MED13L: variants seen among roughly 807,000 people sequenced by gnomAD.
The protein encoded by MED13L is mediator of RNA polymerase II transcription subunit 13-like.
MED13L carries 7 observed loss-of-function variants against 220.9 expected under a neutral mutation model. That is an observed-to-expected ratio of 0.03 (90% CI 0.02 to 0.06). The LOEUF is 0.06. Ranked by LOEUF, MED13L falls within the 10% of genes least tolerant of loss-of-function variation. MED13L has a pLI of 1.00. For synonymous variants in MED13L, 1,011 were observed against 1,015.2 expected (o/e 1.00, Z 0.08); for missense variants, 1,965 against 2,760.5 (o/e 0.71, Z 6.46).
chr12:116,085,891 G>A (rs1871635879), intron 4 of MED13L, among the ~76,000 whole-genome samples: 2 of 152,170 alleles, frequency 1.3e-5, no homozygotes, highest in Admixed American at 6.5e-5. Context: ...AAAGAAGAGA[G>A]ATGGAATTTA....
At chr12:116,001,814 A>G (rs1878762146) in intron 14 of MED13L, among the ~76,000 whole-genome samples, 1 of 152,214 alleles carries the variant, frequency 6.6e-6, no homozygotes, top group Non-Finnish European at 1.5e-5. Context: ...TTTTGAAATA[A>G]TTCTTTTTTG....
intron 4 of MED13L, among the ~76,000 whole-genome samples, chr12:116,058,506 G>C (rs1869157359): frequency 6.6e-6 from 1 of 152,072 alleles, no homozygotes; most frequent in East Asian, 1.9e-4. Flanking sequence ...GCATAAACTG[G>C]CAATAAAACC....
chr12:116,100,591 T>G (rs1054098418), intron 3 of MED13L, among the ~76,000 whole-genome samples: 2 of 99,044 alleles, frequency 2.0e-5, no homozygotes, highest in African/African-American at 8.4e-5. Flanking sequence ...AAAGAGAGAC[T>G]CCGTCTCAAA....
chr12:116,276,418 A>C, intron 1 of MED13L: 2 of 1,287,560 alleles, frequency 1.6e-6, no homozygotes, highest in Non-Finnish European at 2.0e-6. Flanking sequence ...AAGAAGAAAA[A>C]GCTTTCTCCA....
intron 4 of MED13L, among the ~76,000 whole-genome samples, chr12:116,046,530 G>C (rs1881846331): frequency 6.6e-6 from 1 of 152,108 alleles, no homozygotes; most frequent in East Asian, 1.9e-4. Context: ...TAACAATATA[G>C]CAGTAAAACA....
At chr12:116,038,644 T>C (rs1018403955) in intron 4 of MED13L, among the ~76,000 whole-genome samples, 1 of 144,548 alleles carries the variant, frequency 6.9e-6, no homozygotes, top group African/African-American at 2.6e-5. Flanking sequence ...GTGGGAGAAA[T>C]GACCCGCCAA....
chr12:115,961,375 G>C lies in MED13L; in HGVS notation c.6524C>G (p.Ala2175Gly). Residue 2175 changes from alanine to glycine, a missense_variant, in exon 31 of 31, where the codon GCT (alanine) becomes GGT (glycine). By Grantham distance (60) the Ala-to-Gly change is moderately conservative (BLOSUM62 0). Coordinates refer to ENST00000281928, the MANE Select transcript of MED13L (RefSeq NM_015335.5). Reference sequence around the variant, plus strand: ...CGGATTGCACGTGAGCCAGGACAGAGCGTTGTACTGCTCCAAAACAAACCT... The same window carrying C: ...CGGATTGCACGTGAGCCAGGACAGACCGTTGTACTGCTCCAAAACAAACCT... ...VLRFVLEQYN[A>G]LSWLTCNPAT... 1 of 1,613,872 alleles carries C rather than the reference G, an allele frequency of 6.2e-7. No individual in the cohort carries two copies. The highest frequency in any genetic ancestry group is 8.5e-7 in the Non-Finnish European group (1 of 1,179,952).
chr12:116,078,319 CATTTCTACATATAATTTA>C (rs1245873454), intron 4 of MED13L, among the ~76,000 whole-genome samples: 8 of 152,084 alleles, frequency 5.3e-5, no homozygotes, highest in Non-Finnish European at 1.2e-4. Flanking sequence ...AATTCATAAT[CATTTCTACATATAATTTA>C]ATTTCTACAT....
rs1355330788 is a variant in MED13L at position 116,019,800 on chromosome 12, A to G, written c.798T>C (p.Pro266=). The G allele has an allele frequency of 1.2e-6, 2 of 1,614,004 alleles. No homozygotes were observed. The highest frequency in any genetic ancestry group is 2.2e-5 in the South Asian group (2 of 91,090). ...EDELGYDDDF[P]VAVEVIVGGV... Reference sequence around the variant, plus strand: ...TACCAACAATTACTTCAACTGCCACAGGGAAATCATCATCATATCCCAACT... The same window carrying G: ...TACCAACAATTACTTCAACTGCCACGGGGAAATCATCATCATATCCCAACT... The change falls in exon 6 of 31, where the codon CCT becomes CCC. Residue 266 remains proline (P), a synonymous_variant. Transcript: ENST00000281928.
rs1417899930 is a variant in MED13L at position 116,031,735 on chromosome 12, GAAAA to G, written c.480-9138_480-9135del. On this transcript the variant is annotated intron_variant, in intron 4 of 30. Transcript: ENST00000281928. ...GAAAAGAAAAGAAAAGAAAAGAAAA[GAAAA>G]GAAAAGAAAAGAAAAGAAAAGAAGG... Among the ~76,000 whole-genome samples the G allele has an allele frequency of 9.8e-3, 622 of 63,772 alleles. 11 individuals carry two copies. Among genetic ancestry groups the G allele is most frequent in the African/African-American group, 0.034 (365 of 10,704 alleles). The allele number at this position is 63,772 out of a possible 152,430, so 41.8% of individuals were successfully genotyped here.
At chr12:116,138,922 C>A (rs1037948693) in intron 2 of MED13L, among the ~76,000 whole-genome samples, 9 of 152,124 alleles carry the variant, frequency 5.9e-5, no homozygotes, top group Non-Finnish European at 1.3e-4. Flanking sequence ...CCCTTAAGTG[C>A]CTATTTGACT....
At chr12:116,091,272 A>G (rs1872187900) in intron 4 of MED13L, among the ~76,000 whole-genome samples, 1 of 152,116 alleles carries the variant, frequency 6.6e-6, no homozygotes, top group African/African-American at 2.4e-5. Flanking sequence ...TTTAAAGTGT[A>G]AAAATCAATA....
chr12:116,106,418 CG>C (rs1555211813), intron 3 of MED13L, among the ~76,000 whole-genome samples: 1 of 151,972 alleles, frequency 6.6e-6, no homozygotes, highest in Non-Finnish European at 1.5e-5. Context: ...ACAGAGTTAA[CG>C]AAGAAATGAA....
intron 2 of MED13L, among the ~76,000 whole-genome samples, chr12:116,202,813 C>T (rs1164108757): frequency 6.6e-6 from 1 of 152,134 alleles, no homozygotes; most frequent in Non-Finnish European, 1.5e-5. Flanking sequence ...TTCAATAAGG[C>T]TTCAGAAAAA....
chr12:116,029,747 G>GA (rs1238818249), intron 4 of MED13L, among the ~76,000 whole-genome samples: 1 of 151,980 alleles, frequency 6.6e-6, no homozygotes, highest in Admixed American at 6.6e-5. Flanking sequence ...AATATACACA[G>GA]AAAAAATTTG....
At chr12:116,122,687 C>T (rs201037162) in intron 2 of MED13L, among the ~76,000 whole-genome samples, 7 of 152,046 alleles carry the variant, frequency 4.6e-5, no homozygotes, top group African/African-American at 1.7e-4. Context: ...AGCACAATTG[C>T]GATTCAAAAT....
chr12:116,259,557 A>G (rs1872341141), intron 1 of MED13L, among the ~76,000 whole-genome samples: 1 of 152,318 alleles, frequency 6.6e-6, no homozygotes, highest in East Asian at 1.9e-4. Flanking sequence ...ATGGGAGAGG[A>G]AGAGCACACA....
At chr12:116,275,995 G>A (rs866248267) in intron 1 of MED13L, among the ~76,000 whole-genome samples, 3 of 152,196 alleles carry the variant, frequency 2.0e-5, no homozygotes, top group Non-Finnish European at 2.9e-5. Flanking sequence ...TAAACGCCAG[G>A]TTTAACAACG....
In MED13L at chr12:116,031,744, A is replaced by G. The variant is rs1238329026; in HGVS notation, c.480-9143T>C. 3.2e-4 allele frequency among the ~76,000 whole-genome samples: 17 copies of G among 53,094 alleles called. 1 individual carries two copies. Among genetic ancestry groups the G allele is most frequent in the East Asian group, 8.0e-4 (1 of 1,250 alleles). The allele number at this position is 53,094 out of a possible 152,430, so 34.8% of individuals were successfully genotyped here. A position where few individuals can be genotyped will look rare whatever the true frequency, so the allele number is the denominator to read the frequency against. ...AGAAAAGAAAAGAAAAGAAAAGAAA[A>G]GAAAAGAAAAGAAAAGAAGGAAGGA... On this transcript the variant is annotated intron_variant, in intron 4 of 30. Coordinates refer to ENST00000281928, the MANE Select transcript of MED13L (RefSeq NM_015335.5).
Sources: allele counts gnomAD v4.1 joint callset (sites outside exome capture counted in the v4.1 genomes callset), GRCh38; gene constraint gnomAD v4.1.1; transcripts MANE v1.5; gene names NCBI Gene and HGNC (gene_info 2026-07-23, HGNC 2026-07-21).